The following ASIC2 variants were observed in gnomAD, a reference collection of about 807,000 sequenced individuals.
ASIC2 encodes the protein acid-sensing ion channel 2.
ASIC2 carries 25 observed loss-of-function variants against 57.3 expected under a neutral mutation model. That is an observed-to-expected ratio of 0.44 (90% CI 0.32 to 0.61). The LOEUF (loss-of-function observed/expected upper bound fraction) is 0.61. Among genes scored for constraint, ASIC2 ranks in the 20% least tolerant of loss-of-function variants. The pLI, the probability that ASIC2 is intolerant of heterozygous loss-of-function variation, is 0.06. For missense variants in ASIC2, 641 were observed against 738.1 expected, an observed-to-expected ratio of 0.87 and a Z score of 1.52; for synonymous variants, 319 against 307.5, an observed-to-expected ratio of 1.04 and a Z score of -0.39.
At chr17:33,532,794 A>G (rs1170341995) in intron 1 of ASIC2, among the ~76,000 whole-genome samples, 1 of 152,154 alleles carries the variant, frequency 6.6e-6, no homozygotes, top group Admixed American at 6.5e-5. Context: ...GAATCGATAC[A>G]AGTCTGCAGA....
At chr17:33,457,310 G>C (rs919438638) in intron 1 of ASIC2, among the ~76,000 whole-genome samples, 1 of 150,120 alleles carries the variant, frequency 6.7e-6, no homozygotes, top group African/African-American at 2.5e-5. Flanking sequence ...TGAGAAGTTT[G>C]AGAAGTTAAG....
At chr17:33,436,853 CTTTTT>C (rs71144877) in intron 1 of ASIC2, among the ~76,000 whole-genome samples, 244 of 66,488 alleles carry the variant, frequency 3.7e-3, no homozygotes, top group South Asian at 7.7e-3. Flanking sequence ...ATTCCAACTT[CTTTTT>C]TTTTTTTTTT....
intron 1 of ASIC2, among the ~76,000 whole-genome samples, chr17:33,685,332 C>G (rs2142060309): frequency 6.6e-6 from 1 of 152,338 alleles, no homozygotes; most frequent in South Asian, 2.1e-4. Context: ...CTCCAGGCCA[C>G]CTCGCGCTCC....
intron 1 of ASIC2, among the ~76,000 whole-genome samples, chr17:34,142,385 G>C (rs747409018): frequency 6.6e-6 from 1 of 152,156 alleles, no homozygotes; most frequent in Non-Finnish European, 1.5e-5. Context: ...TATAGTGCTG[G>C]ATTAGAAGTC....
At chr17:33,226,592 C>T (rs978953838) in intron 1 of ASIC2, among the ~76,000 whole-genome samples, 11 of 152,228 alleles carry the variant, frequency 7.2e-5, no homozygotes, top group Middle Eastern at 3.4e-3. Context: ...TAAACCTTGG[C>T]GCAATTATAT....
chr17:33,140,870 T>C (rs1170161812), intron 1 of ASIC2, among the ~76,000 whole-genome samples: 1 of 152,184 alleles, frequency 6.6e-6, no homozygotes, highest in Non-Finnish European at 1.5e-5. Flanking sequence ...TGAATGGGGC[T>C]CCCCTGGGGC....
intron 1 of ASIC2, among the ~76,000 whole-genome samples, chr17:33,836,725 C>T (rs904924431): frequency 3.2e-4 from 49 of 152,028 alleles, no homozygotes; most frequent in Admixed American, 1.6e-3. Context: ...TGGTGGCATG[C>T]GCCTGTAATC....
chr17:33,990,722 C>A (rs1414848), intron 1 of ASIC2, among the ~76,000 whole-genome samples: 45,469 of 151,956 alleles, frequency 0.3, 7,068 homozygotes, highest in Non-Finnish European at 0.35. Flanking sequence ...CCAAGCAAAG[C>A]GCAATGTGAG....
At chr17:33,205,096 A>G (rs1157282191) in intron 1 of ASIC2, among the ~76,000 whole-genome samples, 1 of 152,210 alleles carries the variant, frequency 6.6e-6, no homozygotes, top group Non-Finnish European at 1.5e-5. Flanking sequence ...CCTGATCACC[A>G]TGCAGTAGCC....
chr17:34,033,282 T>G (rs937015776), intron 1 of ASIC2, among the ~76,000 whole-genome samples: 5 of 152,066 alleles, frequency 3.3e-5, no homozygotes, highest in African/African-American at 1.2e-4. Flanking sequence ...CACATCAAAA[T>G]GAAGGCAGAA....
At position 33,316,772 on chromosome 17, in the gene ASIC2, C is replaced by T. The variant is rs150522463; in HGVS notation, c.556-204705G>A. Among the ~76,000 whole-genome samples, 186 of 152,264 alleles carry T rather than the reference C, an allele frequency of 1.2e-3. 1 individual carries two copies. The highest frequency in any genetic ancestry group is 3.9e-3 in the African/African-American group (160 of 41,536). The stretch of plus-strand genomic sequence containing the variant: ...ATCGCCACTCCCAAACAGCAATTCA[C>T]GGTATAAAACTCAAGTAATTAGAAC... On this transcript the variant is annotated intron_variant, in intron 1 of 9. Transcript: ENST00000359872.
chr17:33,158,784 T>TC (rs545333154), intron 1 of ASIC2, among the ~76,000 whole-genome samples: 2 of 152,200 alleles, frequency 1.3e-5, no homozygotes, highest in African/African-American at 2.4e-5. Context: ...TCATGAAGAT[T>TC]CCAGATGCCT....
chr17:33,283,207 G>T (rs757849876), intron 1 of ASIC2, among the ~76,000 whole-genome samples: 60 of 152,186 alleles, frequency 3.9e-4, no homozygotes, highest in Non-Finnish European at 7.2e-4. Flanking sequence ...ACTTTAGGAT[G>T]TTCATCCCAC....
intron 1 of ASIC2, among the ~76,000 whole-genome samples, chr17:33,371,895 AT>A (rs1284100279): frequency 6.6e-6 from 1 of 152,096 alleles, no homozygotes; most frequent in Admixed American, 6.5e-5. Flanking sequence ...CCATGTATGA[AT>A]TTGTTTGTGC....
intron 1 of ASIC2, among the ~76,000 whole-genome samples, chr17:33,210,783 A>G (rs1907238777): frequency 6.6e-6 from 1 of 152,154 alleles, no homozygotes; most frequent in Non-Finnish European, 1.5e-5. Flanking sequence ...GATGCTCCCT[A>G]TATACCCTCC....
chr17:34,077,041 G>A (rs1227900056), intron 1 of ASIC2, among the ~76,000 whole-genome samples: 1 of 152,222 alleles, frequency 6.6e-6, no homozygotes, highest in Non-Finnish European at 1.5e-5. Context: ...AACTAAGGAG[G>A]TGAACCCCAG....
chr17:33,302,163 G>A (rs1567816367), intron 1 of ASIC2, among the ~76,000 whole-genome samples: 2 of 152,174 alleles, frequency 1.3e-5, no homozygotes, highest in African/African-American at 4.8e-5. Context: ...AGCATTGGCT[G>A]TGGTCATAAC....
intron 1 of ASIC2, among the ~76,000 whole-genome samples, chr17:33,514,860 G>T (rs1267398071): frequency 1.3e-5 from 2 of 152,140 alleles, no homozygotes; most frequent in African/African-American, 4.8e-5. Flanking sequence ...TTGGCTGTGT[G>T]GCCATAGAGA....
intron 1 of ASIC2, among the ~76,000 whole-genome samples, chr17:33,941,655 G>A (rs972121787): frequency 6.6e-6 from 1 of 152,176 alleles, no homozygotes; most frequent in African/African-American, 2.4e-5. Context: ...CCAGAGAGAG[G>A]CCAGCCCACA....
Sources: gnomAD v4.1 joint callset for allele counts (sites outside exome capture counted in the v4.1 genomes callset) on GRCh38, gnomAD v4.1.1 for gene constraint, MANE v1.5 for transcripts, NCBI Gene and HGNC (gene_info 2026-07-23, HGNC 2026-07-21) for gene names.